SCAMP2: variants seen among roughly 807,000 people sequenced by gnomAD.
SCAMP2 encodes the protein secretory carrier membrane protein 2.
SCAMP2 carries 25 observed loss-of-function variants against 44.1 expected under a neutral mutation model. That is an observed-to-expected ratio of 0.57 (90% CI 0.41 to 0.79). The LOEUF (loss-of-function observed/expected upper bound fraction) is 0.79. Ranked by LOEUF, SCAMP2 falls within the 30% of genes least tolerant of loss-of-function variation. The pLI is 0.00. For missense variants in SCAMP2, 355 were observed against 411.0 expected (o/e 0.86, Z 1.18); for synonymous variants, 156 against 166.0 (o/e 0.94, Z 0.46).
intron 4 of SCAMP2, among the ~76,000 whole-genome samples, chr15:74,851,682 A>G (rs917955654): frequency 6.6e-6 from 1 of 152,180 alleles, no homozygotes; most frequent in Admixed American, 6.5e-5. Flanking sequence ...GCTCACATGG[A>G]GATAAAAGAC....
intron 3 of SCAMP2, chr15:74,853,025 A>G (rs1471113088): frequency 1.3e-5 from 2 of 158,910 alleles, no homozygotes; most frequent in African/African-American, 2.4e-5. Context: ...CAGGATGACA[A>G]ACCAGGCACA....
intron 1 of SCAMP2, 64 bp from the exon 2 acceptor site, chr15:74,854,713 G>A (rs1054029513): frequency 3.4e-5 from 50 of 1,452,414 alleles, no homozygotes; most frequent in African/African-American, 2.1e-4. Flanking sequence ...GCCGGCAGGC[G>A]AGCCGGTGAC....
chr15:74,872,361 G>A (rs2064582576), intron 1 of SCAMP2, among the ~76,000 whole-genome samples: 1 of 151,138 alleles, frequency 6.6e-6, no homozygotes. Context: ...TGCAGTGAGC[G>A]GAAATCGTGC....
intron 6 of SCAMP2, 103 bp downstream of exon 6, chr15:74,850,411 A>G (rs1231581972): frequency 1.9e-6 from 2 of 1,046,958 alleles, no homozygotes; most frequent in African/African-American, 1.6e-5. Flanking sequence ...CCTACATTCT[A>G]TTCTGCTCTA....
At chr15:74,862,354 A>G (rs529171783) in intron 1 of SCAMP2, among the ~76,000 whole-genome samples, 28 of 149,244 alleles carry the variant, frequency 1.9e-4, no homozygotes, top group African/African-American at 6.6e-4. Flanking sequence ...AGGTGGGCAG[A>G]TCACTTGAGA....
chr15:74,853,356 C>T (rs566331044), intron 3 of SCAMP2: 3 of 455,688 alleles, frequency 6.6e-6, no homozygotes, highest in Admixed American at 2.4e-5. Context: ...TGCTCATCTA[C>T]ATTAGGCCTA....
intron 1 of SCAMP2, chr15:74,872,910 G>A: frequency 5.2e-6 from 2 of 381,056 alleles, no homozygotes; most frequent in Non-Finnish European, 9.4e-6. Context: ...ACTTCCGGAA[G>A]GGTCCGACCG....
chr15:74,855,165 G>A (rs4886610), intron 1 of SCAMP2, among the ~76,000 whole-genome samples: 3,220 of 151,726 alleles, frequency 0.021, 79 homozygotes, highest in Admixed American at 0.058. Context: ...GTGCAGTGGC[G>A]CAATCTTGGC....
intron 7 of SCAMP2, among the ~76,000 whole-genome samples, chr15:74,847,960 A>G (rs965677537): frequency 6.6e-6 from 1 of 152,154 alleles, no homozygotes; most frequent in Non-Finnish European, 1.5e-5. Flanking sequence ...GTGGCAGGAG[A>G]AAAGGAAGAG....
intron 1 of SCAMP2, among the ~76,000 whole-genome samples, chr15:74,865,145 C>G (rs1292936764): frequency 3.5e-5 from 5 of 141,730 alleles, no homozygotes; most frequent in East Asian, 2.2e-4. Flanking sequence ...CTTTGGGAGG[C>G]CAAGGCAGGT....
rs2064457534 is a variant in SCAMP2, at chr15:74,854,763, C to A, written c.58-114G>T. ...GGGCAGCTGATCACCCTCCCGGGAC[C>A]CTGAGAAGCCTCTCTGGAAGGGTCC... is the stretch of plus-strand genomic sequence containing the variant. On this transcript the variant is annotated intron_variant, in intron 1 of 8. Transcript: ENST00000268099. 13 of 863,476 alleles carry A rather than the reference C, an allele frequency of 1.5e-5. No individual in the cohort carries two copies. The South Asian group carries it at 1.9e-4, about 13-fold the overall frequency. The allele number at this position is 863,476 out of a possible 1,614,324, so 53.5% of individuals were successfully genotyped here. A position where few individuals can be genotyped will look rare whatever the true frequency, so the allele number is the denominator to read the frequency against.
At chr15:74,850,392 G>A in intron 6 of SCAMP2, 122 bp downstream of exon 6, 1 of 965,124 alleles carries the variant, frequency 1.0e-6, no homozygotes, top group South Asian at 1.6e-5. Flanking sequence ...TGTAGGGAAA[G>A]TGGATTTCCC....
chr15:74,871,290 C>T (rs1187756555), intron 1 of SCAMP2, among the ~76,000 whole-genome samples: 1 of 149,366 alleles, frequency 6.7e-6, no homozygotes, highest in African/African-American at 2.4e-5. Flanking sequence ...CCCTTCTCTA[C>T]AAAAATTTTT....
In SCAMP2 at chr15:74,854,620, G is replaced by A. The variant is rs1457822411; in HGVS notation, c.87C>T (p.Ala29=). The stretch of plus-strand genomic sequence containing the variant: ...TGAATTCCGCCAGGCCGCCCTGCGG[G>A]GCGTTGGTCAGCTGGGTCACAGAGG... ...QDPSVTQLTN[A]PQGGLAEFNP... Residue 29 remains alanine (A), a synonymous_variant, in exon 2 of 9, where the codon GCC becomes GCT. Transcript: ENST00000268099. The A allele has an allele frequency of 3.7e-6, 6 of 1,609,156 alleles. No homozygotes were observed. In the South Asian group the frequency reaches 6.7e-5, roughly 18 times the overall value.
At chr15:74,846,015 G>C (rs1188771260) in intron 7 of SCAMP2, among the ~76,000 whole-genome samples, 3 of 152,006 alleles carry the variant, frequency 2.0e-5, no homozygotes, top group Non-Finnish European at 4.4e-5. Flanking sequence ...AAAAGGCCAG[G>C]TTCGTGCCTG....
intron 2 of SCAMP2, 89 bp from the exon 3 acceptor site, chr15:74,854,208 C>A: frequency 8.5e-7 from 1 of 1,178,080 alleles, no homozygotes; most frequent in Admixed American, 1.8e-5. Flanking sequence ...GAGTGATGTG[C>A]CCCTGCCTGT....
At chr15:74,868,092 A>G (rs1012047011) in intron 1 of SCAMP2, among the ~76,000 whole-genome samples, 2 of 152,248 alleles carry the variant, frequency 1.3e-5, no homozygotes, top group Non-Finnish European at 2.9e-5. Context: ...CGAAATACTC[A>G]GAGGGTACAA....
rs183784579 is a variant in SCAMP2, at chr15:74,858,857, G to A, written c.58-4208C>T. ...AGACGGAGTCTTGCTCTGTTACCCA[G>A]GCTGGAGTGCAGTGGCGCGATCTCA... is the stretch of plus-strand genomic sequence containing the variant. On this transcript the variant is annotated intron_variant, in intron 1 of 8. Coordinates refer to ENST00000268099, the MANE Select transcript of SCAMP2 (RefSeq NM_005697.5). Among the ~76,000 whole-genome samples, 30 of 137,980 alleles carry A rather than the reference G, an allele frequency of 2.2e-4. No homozygotes were observed. In the East Asian group the frequency reaches 5.9e-3, roughly 27 times the overall value. 90.5% of individuals were successfully genotyped at this position (137,980 alleles called of 152,430 possible).
At chr15:74,852,236 A>C in intron 3 of SCAMP2, 50 bp from the exon 4 acceptor site, 5 of 1,318,078 alleles carry the variant, frequency 3.8e-6, no homozygotes, top group Non-Finnish European at 5.0e-6. Context: ...ACAAACAGAA[A>C]CAGTGTCAGC....
Sources: allele counts gnomAD v4.1 joint callset (sites outside exome capture counted in the v4.1 genomes callset), GRCh38; gene constraint gnomAD v4.1.1; transcripts MANE v1.5; gene names NCBI Gene and HGNC (gene_info 2026-07-23, HGNC 2026-07-21).